The following RBFOX1 variants were observed in gnomAD, a reference collection of about 807,000 sequenced individuals.
RBFOX1 encodes the protein RNA binding fox-1 homolog 1, also known as RNA binding protein fox-1 homolog 1.
RBFOX1 carries 8 observed loss-of-function variants against 57.7 expected under a neutral mutation model. The observed-to-expected ratio is 0.14, with a 90% confidence interval of 0.08 to 0.25. The LOEUF (loss-of-function observed/expected upper bound fraction) is 0.25, where lower values mean the gene tolerates loss of function less well. Among genes scored for constraint, RBFOX1 ranks in the 10% least tolerant of loss-of-function variants. The pLI is 1.00. For missense variants in RBFOX1, 611 were observed against 548.5 expected (o/e 1.11, Z -1.14); for synonymous variants, 326 against 222.4 (o/e 1.47, Z -4.15).
At chr16:6,222,933 G>A (rs1158103140) in intron 1 of RBFOX1, among the ~76,000 whole-genome samples, 1 of 151,676 alleles carries the variant, frequency 6.6e-6, no homozygotes, top group African/African-American at 2.4e-5. Context: ...TCCCATCTAT[G>A]AGTGAGAACA....
intron 4 of RBFOX1, among the ~76,000 whole-genome samples, chr16:5,914,912 A>G (rs2058673946): frequency 1.3e-5 from 2 of 151,944 alleles, no homozygotes; most frequent in Non-Finnish European, 1.5e-5. Context: ...AAACAAAACA[A>G]AAACAAAAAA....
chr16:7,239,459 A>G (rs2093945638), intron 4 of RBFOX1, among the ~76,000 whole-genome samples: 2 of 152,222 alleles, frequency 1.3e-5, no homozygotes, highest in Non-Finnish European at 2.9e-5. Flanking sequence ...AGATCGTGCC[A>G]CTGCACTCCA....
chr16:6,207,014 T>TA (rs1026090143), intron 1 of RBFOX1, among the ~76,000 whole-genome samples: 6 of 150,674 alleles, frequency 4.0e-5, no homozygotes, highest in East Asian at 1.9e-4. Context: ...TGCACTTGCT[T>TA]AAAAAAAAAT....
intron 2 of RBFOX1, among the ~76,000 whole-genome samples, chr16:6,614,993 T>C (rs572836852): frequency 6.6e-6 from 1 of 152,322 alleles, no homozygotes; most frequent in South Asian, 2.1e-4. Flanking sequence ...TCGAATTGTT[T>C]TGGGCATTAT....
intron 3 of RBFOX1, among the ~76,000 whole-genome samples, chr16:7,010,595 G>C (rs1055127266): frequency 1.3e-5 from 2 of 151,962 alleles, no homozygotes; most frequent in Non-Finnish European, 2.9e-5. Flanking sequence ...TGTCACCCAG[G>C]CTAGAGTGTG....
intron 3 of RBFOX1, among the ~76,000 whole-genome samples, chr16:5,617,364 C>G (rs1398666744): frequency 2.0e-5 from 3 of 152,164 alleles, no homozygotes; most frequent in African/African-American, 7.2e-5. Flanking sequence ...CACGAGTTTT[C>G]TGGCTCAGTC....
intron 4 of RBFOX1, among the ~76,000 whole-genome samples, chr16:7,067,563 T>G (rs1480928618): frequency 1.3e-5 from 2 of 151,954 alleles, no homozygotes; most frequent in Non-Finnish European, 2.9e-5. Context: ...ATTTTAAGTT[T>G]TAGGGTACAT....
chr16:7,046,708 C>T lies in RBFOX1; in HGVS notation c.-15-5349C>T, dbSNP rs529897435. On this transcript the variant is annotated intron_variant, in intron 3 of 15. Coordinates refer to ENST00000550418, the MANE Select transcript of RBFOX1 (RefSeq NM_018723.4). ...GCAACCTCCGTCTCCTGGGTTCAAA[C>T]GATTCTCCTGCCTCAGCCTCCCAAA... 1.0e-4 allele frequency among the ~76,000 whole-genome samples: 15 copies of T among 145,654 alleles called. No homozygotes were observed. The South Asian group carries it at 2.2e-3, about 22-fold the overall frequency.
intron 3 of RBFOX1, among the ~76,000 whole-genome samples, chr16:6,795,748 A>T (rs566355364): frequency 6.6e-5 from 10 of 151,444 alleles, no homozygotes; most frequent in African/African-American, 2.2e-4. Flanking sequence ...CCTGGGTGAC[A>T]GAGTGAAACT....
chr16:6,811,609 G>GA (rs2088608365), intron 3 of RBFOX1, among the ~76,000 whole-genome samples: 1 of 152,166 alleles, frequency 6.6e-6, no homozygotes, highest in South Asian at 2.1e-4. Flanking sequence ...GGCACAGGAG[G>GA]CCAGTTACGG....
intron 2 of RBFOX1, among the ~76,000 whole-genome samples, chr16:6,463,191 A>C (rs1425897393): frequency 4.6e-5 from 7 of 152,142 alleles, no homozygotes; most frequent in Admixed American, 4.6e-4. Context: ...ACTTTTGCAA[A>C]GCTAAGTATG....
chr16:6,057,793 C>A (rs2095632488), intron 1 of RBFOX1, among the ~76,000 whole-genome samples: 1 of 144,040 alleles, frequency 6.9e-6, no homozygotes, highest in Non-Finnish European at 1.5e-5. Context: ...CCACCCCTGG[C>A]ACTGTTGAAA....
intron 4 of RBFOX1, among the ~76,000 whole-genome samples, chr16:7,405,677 T>C (rs12597457): frequency 0.31 from 47,899 of 152,108 alleles, 8,631 homozygotes; most frequent in East Asian, 0.69. Flanking sequence ...AGGCTGCAAC[T>C]CAGGTCCCAG....
At chr16:6,566,081 C>T (rs549449955) in intron 2 of RBFOX1, among the ~76,000 whole-genome samples, 12 of 152,338 alleles carry the variant, frequency 7.9e-5, no homozygotes, top group Admixed American at 2.6e-4. Context: ...ACTGTTCCTT[C>T]AAGGTGTTAT....
At chr16:6,823,805 C>T (rs749717888) in intron 3 of RBFOX1, among the ~76,000 whole-genome samples, 1 of 152,120 alleles carries the variant, frequency 6.6e-6, no homozygotes, top group African/African-American at 2.4e-5. Context: ...ATAGGAGATT[C>T]CTACCTCTGG....
chr16:6,389,800 T>A (rs765477242), intron 2 of RBFOX1, among the ~76,000 whole-genome samples: 4 of 152,078 alleles, frequency 2.6e-5, no homozygotes, highest in Non-Finnish European at 5.9e-5. Context: ...CCAGGAGAAA[T>A]CAAGCTATGG....
At chr16:5,379,458 CAT>C (rs1157768921) in intron 1 of RBFOX1, among the ~76,000 whole-genome samples, 1 of 147,182 alleles carries the variant, frequency 6.8e-6, no homozygotes, top group Non-Finnish European at 1.5e-5. Context: ...TGTCTGAAAA[CAT>C]AATCATCTCT....
At chr16:6,555,169 A>C (rs2097074981) in intron 2 of RBFOX1, among the ~76,000 whole-genome samples, 1 of 152,056 alleles carries the variant, frequency 6.6e-6, no homozygotes, top group African/African-American at 2.4e-5. Flanking sequence ...TATCATAAAT[A>C]CTCTTTTAAA....
chr16:6,996,361 G>C (rs1449273717), intron 3 of RBFOX1, among the ~76,000 whole-genome samples: 1 of 152,082 alleles, frequency 6.6e-6, no homozygotes. Flanking sequence ...CTGTGGTTTT[G>C]TGCATGTGTG....
Sources: allele counts gnomAD v4.1 joint callset (sites outside exome capture counted in the v4.1 genomes callset), GRCh38; gene constraint gnomAD v4.1.1; transcripts MANE v1.5; gene names NCBI Gene and HGNC (gene_info 2026-07-23, HGNC 2026-07-21).